The following PIWIL1 variants were observed in gnomAD, a reference collection of about 807,000 sequenced individuals.
PIWIL1 encodes the protein piwi-like protein 1.
In PIWIL1, 73 loss-of-function variants were observed where a neutral mutation model predicts 114.4. The observed-to-expected ratio is 0.64, with a 90% confidence interval of 0.53 to 0.78. PIWIL1 has a LOEUF of 0.78. PIWIL1 is among the 30% of genes least tolerant of loss of function. The pLI, the probability that PIWIL1 is intolerant of heterozygous loss-of-function variation, is 0.00. For missense variants in PIWIL1, 723 were observed against 1,063.1 expected (o/e 0.68, Z 4.45); for synonymous variants, 375 against 369.0 (o/e 1.02, Z -0.19).
At chr12:130,414,599 CG>C in the PIWIL1 span, 1 of 251,858 alleles carries the variant, frequency 4.0e-6, no homozygotes, top group Admixed American at 4.9e-5. Context: ...GGGCTGCGGC[CG>C]TGCCAGGGGC....
intron 1 of PIWIL1, among the ~76,000 whole-genome samples, chr12:130,338,851 G>A (rs2072804102): frequency 9.5e-6 from 1 of 104,798 alleles, no homozygotes; most frequent in Admixed American, 9.2e-5. Flanking sequence ...CTGTAGGGCC[G>A]GGGTGCGGGG....
intron 14 of PIWIL1, among the ~76,000 whole-genome samples, chr12:130,360,478 CA>C (rs1174807376): frequency 2.0e-5 from 3 of 152,032 alleles, no homozygotes; most frequent in Non-Finnish European, 4.4e-5. Flanking sequence ...ACTAAAAATA[CA>C]AAAATTAGCC....
chr12:130,414,931 C>T, the PIWIL1 span, among the ~76,000 whole-genome samples: 203 of 152,212 alleles, frequency 1.3e-3, no homozygotes, highest in African/African-American at 4.6e-3. Flanking sequence ...CCTGAATAGA[C>T]CAATATTGAT....
the PIWIL1 span, chr12:130,407,669 C>T: frequency 3.6e-6 from 5 of 1,372,988 alleles, no homozygotes; most frequent in East Asian, 4.6e-5. Flanking sequence ...TGGTGTACCA[C>T]GAGGGAAGGG....
Position 130,363,044 on chromosome 12 carries a change from G to A in PIWIL1, c.2095G>A (p.Val699Met). 6.2e-7 allele frequency: 1 copy of A among 1,614,234 alleles called. No homozygotes were observed. The highest frequency in any genetic ancestry group is 8.5e-7 in the Non-Finnish European group (1 of 1,180,038). ...TGAGTACATGCCCAGCCGGATCATC[G>A]TGTACCGCGATGGCGTAGGAGACGG... ...CNEYMPSRII[V>M]YRDGVGDGQL... Residue 699 changes from valine to methionine, a missense_variant, in exon 18 of 21, where the codon GTG (valine) becomes ATG (methionine). Physicochemically the swap from Val to Met is conservative, Grantham distance 21. Coordinates refer to ENST00000245255, the MANE Select transcript of PIWIL1 (RefSeq NM_004764.5).
the PIWIL1 span, among the ~76,000 whole-genome samples, chr12:130,405,767 T>TTTTTGTTTTG: frequency 4.6e-5 from 7 of 151,386 alleles, no homozygotes; most frequent in East Asian, 3.9e-4. Context: ...GGGTTTTAGG[T>TTTTTGTTTTG]TTTTGTTTTG....
chr12:130,372,808 A>G (rs1466586416), downstream of PIWIL1, among the ~76,000 whole-genome samples: 1 of 152,122 alleles, frequency 6.6e-6, no homozygotes, highest in African/African-American at 2.4e-5. Flanking sequence ...TTTTATATCT[A>G]CATATTTATA....
chr12:130,375,297 G>A (rs1463025534), downstream of PIWIL1, among the ~76,000 whole-genome samples: 1 of 152,162 alleles, frequency 6.6e-6, no homozygotes, highest in East Asian at 1.9e-4. Context: ...TGTAATTGTT[G>A]TATTTCAATT....
At chr12:130,399,682 T>C in the PIWIL1 span, 1 of 1,614,162 alleles carries the variant, frequency 6.2e-7, no homozygotes, top group Non-Finnish European at 8.5e-7. Flanking sequence ...TGCTTACCCT[T>C]TTTGCCTTTG....
At position 130,354,018 on chromosome 12, in the gene PIWIL1, T is replaced by G. The variant is rs530005268; in HGVS notation, c.1045-519T>G. ...GATTGCATCTGGGGAACCTTAACAC[T>G]TCTCAATTGAAATTTGACTTCTTGA... On this transcript the variant is annotated intron_variant, in intron 9 of 20. Transcript: ENST00000245255. Among the ~76,000 whole-genome samples, 5 of 152,322 alleles carry G rather than the reference T, an allele frequency of 3.3e-5. No individual in the cohort carries two copies. In the East Asian group the frequency reaches 5.8e-4, roughly 18 times the overall value.
At position 130,356,949 on chromosome 12, in the gene PIWIL1, C is replaced by T; in HGVS notation, c.1436C>T (p.Ser479Phe). The T allele has an allele frequency of 6.2e-7, 1 of 1,610,872 alleles. No individual in the cohort carries two copies. Among genetic ancestry groups the T allele is most frequent in the Non-Finnish European group, 8.5e-7 (1 of 1,177,982 alleles). Residue 479 changes from serine (S) to phenylalanine (F), a missense_variant, in exon 13 of 21, where the codon TCC (serine) becomes TTC (phenylalanine). By Grantham distance (155) the Ser-to-Phe change is radical. This residue lies in a region of PIWIL1 where 298 missense variants were observed against 420.8 expected (regional missense o/e 0.71). Transcript: ENST00000245255. ...TACAATCCACAATTTGCAGATTGGT[C>T]CAAAGAAACAAGAGGTGCACCATTA... is the stretch of plus-strand genomic sequence containing the variant. Reference protein sequence around the residue: ...FDYNPQFADWSKETRGAPLIS... With the variant: ...FDYNPQFADWFKETRGAPLIS...
At chr12:130,406,047 C>T in the PIWIL1 span, 1 of 647,720 alleles carries the variant, frequency 1.5e-6, no homozygotes, top group Non-Finnish European at 2.8e-6. Context: ...TTAAGCAAAG[C>T]TATCAGCAGG....
chr12:130,354,707 A>C (rs1229288450), intron 10 of PIWIL1, 44 bp downstream of exon 10: 1 of 1,537,908 alleles, frequency 6.5e-7, no homozygotes, highest in African/African-American at 1.4e-5. Context: ...CACTGGATTT[A>C]CCCTTTCTTT....
the PIWIL1 span, among the ~76,000 whole-genome samples, chr12:130,402,501 C>G: frequency 1.3e-5 from 2 of 152,158 alleles, no homozygotes; most frequent in African/African-American, 4.8e-5. Flanking sequence ...CCTGGACCCA[C>G]TCCCATCCCC....
rs2073678236 is a variant in PIWIL1 at position 130,367,013 on chromosome 12, A to G, written c.2196-120A>G. On this transcript the variant is annotated intron_variant, in intron 18 of 20. Coordinates refer to ENST00000245255, the MANE Select transcript of PIWIL1 (RefSeq NM_004764.5). ...CCTGATCCTTCTCCACAACCTGGAC[A>G]GATGATACGCCCCAGGAGGGATGTG... is the stretch of plus-strand genomic sequence containing the variant. 3.4e-5 allele frequency: 39 copies of G among 1,142,816 alleles called. No individual in the cohort carries two copies. The South Asian group carries it at 5.7e-4, about 17-fold the overall frequency. The allele number at this position is 1,142,816 out of a possible 1,614,324, so 70.8% of individuals were successfully genotyped here.
At chr12:130,390,151 T>A in the PIWIL1 span, among the ~76,000 whole-genome samples, 1 of 152,248 alleles carries the variant, frequency 6.6e-6, no homozygotes. Context: ...TAACAAGTTT[T>A]TTTCTGTTAC....
intron 12 of PIWIL1, among the ~76,000 whole-genome samples, chr12:130,356,426 C>T (rs576656842): frequency 5.9e-5 from 9 of 152,030 alleles, no homozygotes; most frequent in Admixed American, 2.6e-4. Flanking sequence ...GGCCAGGACA[C>T]GCAGAAGACA....
the PIWIL1 span, among the ~76,000 whole-genome samples, chr12:130,411,809 G>A: frequency 4.3e-3 from 655 of 151,780 alleles, 6 homozygotes; most frequent in African/African-American, 0.015. Flanking sequence ...GAAACAATGC[G>A]TTTATTAATG....
chr12:130,396,827 T>C, the PIWIL1 span: 1 of 152,652 alleles, frequency 6.6e-6, no homozygotes, highest in Admixed American at 6.5e-5. Context: ...CAAACCACTG[T>C]GTCAGGATGA....
Sources: gnomAD v4.1 joint callset for allele counts (sites outside exome capture counted in the v4.1 genomes callset) on GRCh38, gnomAD v4.1.1 for gene constraint, gnomAD v4.1.1 regional missense constraint, MANE v1.5 for transcripts, NCBI Gene and HGNC (gene_info 2026-07-23, HGNC 2026-07-21) for gene names.